B3GALT1: variants seen among roughly 807,000 people sequenced by gnomAD.
B3GALT1 encodes beta-1,3-galactosyltransferase 1, also known as UDP-Gal:betaGlcNAc beta 1,3-galactosyltransferase, polypeptide 1.
Under a neutral mutation model 23.2 loss-of-function variants are expected in B3GALT1, and 10 were observed. The observed-to-expected ratio is 0.43, with a 90% CI of 0.27 to 0.73. B3GALT1 has a LOEUF of 0.73. Ranked by LOEUF, B3GALT1 falls within the 30% of genes least tolerant of loss-of-function variation. The pLI is 0.21. For synonymous variants in B3GALT1, 156 were observed against 141.5 expected (o/e 1.10, Z -0.73); for missense variants, 299 against 405.4 (o/e 0.74, Z 2.25).
chr2:167,523,909 ATTTCT>A (rs1683174300), intron 2 of B3GALT1, among the ~76,000 whole-genome samples: 1 of 152,056 alleles, frequency 6.6e-6, no homozygotes. Flanking sequence ...GTGGAGCATT[ATTTCT>A]TTTATCAGTT....
At chr2:167,547,562 C>T (rs931287994) in intron 2 of B3GALT1, among the ~76,000 whole-genome samples, 5 of 151,920 alleles carry the variant, frequency 3.3e-5, no homozygotes, top group South Asian at 2.1e-4. Context: ...AGCATGGTGG[C>T]AGGTGCCTGT....
At chr2:167,555,493 C>A (rs1201109269) in intron 2 of B3GALT1, among the ~76,000 whole-genome samples, 1 of 152,152 alleles carries the variant, frequency 6.6e-6, no homozygotes, top group Non-Finnish European at 1.5e-5. Flanking sequence ...CTACTTGTCA[C>A]TGAATTACCA....
intron 1 of B3GALT1, among the ~76,000 whole-genome samples, chr2:167,322,430 CTG>C (rs1197538735): frequency 1.3e-5 from 2 of 151,654 alleles, no homozygotes; most frequent in Non-Finnish European, 2.9e-5. Context: ...AAAATTAAAA[CTG>C]GATTCAACAT....
chr2:167,670,528 A>G (rs1274887147), intron 3 of B3GALT1, among the ~76,000 whole-genome samples: 2 of 152,230 alleles, frequency 1.3e-5, no homozygotes, highest in Non-Finnish European at 2.9e-5. Flanking sequence ...GATACCACCA[A>G]AGTAATAAAA....
rs141019806 is a variant in B3GALT1, at chr2:167,790,393, G to C, written c.-351-28279G>C. Among the ~76,000 whole-genome samples the C allele has an allele frequency of 7.8e-4, 119 of 152,252 alleles. 4 individuals carry two copies. The highest frequency in any genetic ancestry group is 3.4e-3 in the Middle Eastern group (1 of 294). ...TGTCCAGGAGGGGCACTGTGAGTCT[G>C]GTTTCATCTGAGATGTCTCCACCTG... On this transcript the variant is annotated intron_variant, in intron 3 of 4. Transcript: ENST00000392690.
chr2:167,366,763 CAT>C (rs527302378), intron 1 of B3GALT1, among the ~76,000 whole-genome samples: 19 of 152,332 alleles, frequency 1.2e-4, no homozygotes, highest in Admixed American at 2.6e-4. Flanking sequence ...GTTATTCACA[CAT>C]GTGTATGTCT....
chr2:167,810,306 C>T (rs553025123), intron 3 of B3GALT1, among the ~76,000 whole-genome samples: 2 of 151,066 alleles, frequency 1.3e-5, no homozygotes, highest in South Asian at 2.1e-4. Flanking sequence ...CTTTCTGACA[C>T]TCTCCAGTGA....
chr2:167,376,864 A>G (rs1336523106), intron 1 of B3GALT1, among the ~76,000 whole-genome samples: 2 of 151,828 alleles, frequency 1.3e-5, no homozygotes, highest in Non-Finnish European at 2.9e-5. Context: ...GATTTTAGTT[A>G]TTTCTTTTCT....
chr2:167,685,710 A>G (rs1686608034), intron 3 of B3GALT1, among the ~76,000 whole-genome samples: 1 of 152,208 alleles, frequency 6.6e-6, no homozygotes. Context: ...ACCAAGGTGA[A>G]GAGTTTGGAT....
intron 2 of B3GALT1, among the ~76,000 whole-genome samples, chr2:167,527,012 AAC>A (rs1479052845): frequency 6.6e-6 from 1 of 152,164 alleles, no homozygotes; most frequent in South Asian, 2.1e-4. Context: ...TTAAATAAAG[AAC>A]ATTTCACCAT....
chr2:167,360,013 A>T (rs1171306257), intron 1 of B3GALT1, among the ~76,000 whole-genome samples: 1 of 152,158 alleles, frequency 6.6e-6, no homozygotes, highest in Admixed American at 6.6e-5. Flanking sequence ...TCCATGTACC[A>T]TGTATATCTG....
intron 3 of B3GALT1, among the ~76,000 whole-genome samples, chr2:167,718,204 T>G (rs1451978438): frequency 6.6e-6 from 1 of 152,118 alleles, no homozygotes; most frequent in Non-Finnish European, 1.5e-5. Context: ...CAGCAAGAAT[T>G]AAGATTCTCT....
At chr2:167,683,356 C>T (rs1343254592) in intron 3 of B3GALT1, among the ~76,000 whole-genome samples, 2 of 152,180 alleles carry the variant, frequency 1.3e-5, no homozygotes, top group African/African-American at 4.8e-5. Context: ...TGCCCCTCTG[C>T]AGTACCAGCC....
intron 2 of B3GALT1, among the ~76,000 whole-genome samples, chr2:167,607,446 C>T (rs1049950146): frequency 3.3e-5 from 5 of 152,142 alleles, no homozygotes; most frequent in South Asian, 2.1e-4. Flanking sequence ...AATCATATGA[C>T]GCCACCTTAT....
At chr2:167,342,526 G>A (rs1697165599) in intron 1 of B3GALT1, among the ~76,000 whole-genome samples, 1 of 151,382 alleles carries the variant, frequency 6.6e-6, no homozygotes, top group African/African-American at 2.4e-5. Flanking sequence ...GGAGGCAGAG[G>A]TTGCAGTGAA....
At chr2:167,689,985 G>A (rs1481843819) in intron 3 of B3GALT1, among the ~76,000 whole-genome samples, 4 of 152,192 alleles carry the variant, frequency 2.6e-5, no homozygotes, top group Admixed American at 6.6e-5. Context: ...AGAAGACATC[G>A]AGAAGTAAAT....
At chr2:167,696,107 A>G (rs2105505551) in intron 3 of B3GALT1, among the ~76,000 whole-genome samples, 1 of 152,208 alleles carries the variant, frequency 6.6e-6, no homozygotes, top group African/African-American at 2.4e-5. Context: ...GAAAGAATGG[A>G]CATTGGAATA....
intron 3 of B3GALT1, among the ~76,000 whole-genome samples, chr2:167,750,734 CAAAAAAA>C (rs527622209): frequency 3.4e-5 from 2 of 58,564 alleles, no homozygotes; most frequent in Non-Finnish European, 8.5e-5. Flanking sequence ...GACTGTTGAG[CAAAAAAA>C]AAAAAAAAAA....
At chr2:167,730,936 A>G (rs901158509) in intron 3 of B3GALT1, among the ~76,000 whole-genome samples, 2 of 152,182 alleles carry the variant, frequency 1.3e-5, no homozygotes, top group Non-Finnish European at 2.9e-5. Context: ...ATCTCAGTTA[A>G]TTCAAAGAAT....
Sources: allele counts gnomAD v4.1 joint callset (sites outside exome capture counted in the v4.1 genomes callset), GRCh38; gene constraint gnomAD v4.1.1; transcripts MANE v1.5; gene names NCBI Gene and HGNC (gene_info 2026-07-23, HGNC 2026-07-21).